Variants in SPECC1 observed in about 807,000 individuals in gnomAD.
SPECC1 encodes sperm antigen with calponin homology and coiled-coil domains 1.
A neutral mutation model predicts 104.1 loss-of-function variants in SPECC1; 62 were observed. The ratio of observed to expected loss-of-function variants is 0.60; its 90% CI spans 0.49 to 0.74. The LOEUF (loss-of-function observed/expected upper bound fraction) is 0.74, where lower values mean the gene tolerates loss of function less well. Among genes scored for constraint, SPECC1 ranks in the 30% least tolerant of loss-of-function variants. SPECC1 has a pLI of 0.00. For missense variants in SPECC1, 1,306 were observed against 1,310.5 expected, an observed-to-expected ratio of 1.00 and a Z score of 0.05; for synonymous variants, 513 against 501.6, an observed-to-expected ratio of 1.02 and a Z score of -0.30.
chr17:20,166,398 C>A (rs1216749600), intron 3 of SPECC1, among the ~76,000 whole-genome samples: 2 of 152,134 alleles, frequency 1.3e-5, no homozygotes, highest in Non-Finnish European at 2.9e-5. Flanking sequence ...TTTTACTGGT[C>A]ACTCTGTGAT....
intron 13 of SPECC1, among the ~76,000 whole-genome samples, chr17:20,303,194 T>A (rs1479626747): frequency 3.3e-5 from 5 of 152,100 alleles, no homozygotes; most frequent in Non-Finnish European, 7.4e-5. Flanking sequence ...AAAAACTGGC[T>A]AAAAACCAAA....
intron 12 of SPECC1, among the ~76,000 whole-genome samples, chr17:20,292,572 C>A (rs1273365820): frequency 6.6e-6 from 1 of 152,074 alleles, no homozygotes; most frequent in South Asian, 2.1e-4. Context: ...TCAGGTGATC[C>A]GCTCACCTCA....
chr17:20,212,488 AAGAG>A (rs2037217588), intron 4 of SPECC1, among the ~76,000 whole-genome samples: 1 of 152,208 alleles, frequency 6.6e-6, no homozygotes, highest in African/African-American at 2.4e-5. Flanking sequence ...CAGACAAAAT[AAGAG>A]AGCTTGTGCA....
At chr17:20,155,902 G>T (rs1167642740) in intron 3 of SPECC1, 2 of 1,189,504 alleles carry the variant, frequency 1.7e-6, no homozygotes, top group Non-Finnish European at 2.1e-6. Context: ...TGCAGATGAC[G>T]GGGGCGGGCC....
At chr17:20,174,680 A>G (rs942801054) in intron 3 of SPECC1, among the ~76,000 whole-genome samples, 10 of 151,754 alleles carry the variant, frequency 6.6e-5, no homozygotes, top group African/African-American at 1.9e-4. Context: ...CTTGCCCTTC[A>G]TTTCCTTTAT....
chr17:20,055,886 C>G (rs907723429), intron 1 of SPECC1, among the ~76,000 whole-genome samples: 5 of 152,202 alleles, frequency 3.3e-5, no homozygotes, highest in African/African-American at 1.2e-4. Context: ...TCAGCTGTTT[C>G]AGTGCCTCTC....
At chr17:20,113,191 A>T (rs1258221076) in intron 3 of SPECC1, among the ~76,000 whole-genome samples, 1 of 152,092 alleles carries the variant, frequency 6.6e-6, no homozygotes, top group Non-Finnish European at 1.5e-5. Context: ...ACAGAAAAGC[A>T]CTCATTTAAT....
chr17:20,071,315 A>G (rs1020206133), intron 1 of SPECC1, among the ~76,000 whole-genome samples: 13 of 151,994 alleles, frequency 8.6e-5, no homozygotes, highest in African/African-American at 2.9e-4. Flanking sequence ...GAACCATGCC[A>G]TTGTAATTTT....
intron 4 of SPECC1, among the ~76,000 whole-genome samples, chr17:20,212,307 G>C (rs1406851120): frequency 6.6e-6 from 1 of 152,144 alleles, no homozygotes; most frequent in Non-Finnish European, 1.5e-5. Flanking sequence ...CTAGATGCCA[G>C]AACAGAAACA....
At chr17:20,012,685 C>A (rs1273942492) in intron 1 of SPECC1, among the ~76,000 whole-genome samples, 1 of 151,456 alleles carries the variant, frequency 6.6e-6, no homozygotes, top group African/African-American at 2.4e-5. Context: ...TAATCTTTGT[C>A]TTTTAATAAA....
At chr17:20,224,269 A>G (rs571351026) in intron 4 of SPECC1, among the ~76,000 whole-genome samples, 23 of 152,322 alleles carry the variant, frequency 1.5e-4, no homozygotes, top group Admixed American at 1.4e-3. Context: ...GGCTACCACT[A>G]CTGGGACTGT....
At chr17:20,112,022 G>A in intron 3 of SPECC1, 1 of 772,044 alleles carries the variant, frequency 1.3e-6, no homozygotes, top group Non-Finnish European at 2.4e-6. Flanking sequence ...TGTGTGTGAA[G>A]GAGAGCCATT....
intron 9 of SPECC1, among the ~76,000 whole-genome samples, chr17:20,251,593 A>G (rs1309515020): frequency 6.6e-6 from 1 of 152,232 alleles, no homozygotes; most frequent in Admixed American, 6.5e-5. Flanking sequence ...AGCCTCTAAG[A>G]GAAAATAATG....
rs1435350753 is a variant in SPECC1 at position 20,148,478 on chromosome 17, A to T, written c.283+37916A>T. ...GAATTTTACTTTAAATTATTTTAAC[A>T]TTTATGTATTTTTCCAAATAAATGT... On this transcript the variant is annotated intron_variant, in intron 3 of 14. Transcript: ENST00000395527. 2.7e-5 allele frequency among the ~76,000 whole-genome samples: 4 copies of T among 150,862 alleles called. No individual in the cohort carries two copies. In the Admixed American group the frequency reaches 2.7e-4, roughly 10 times the overall value.
At chr17:20,161,123 A>G (rs1266052139) in intron 3 of SPECC1, among the ~76,000 whole-genome samples, 2 of 152,224 alleles carry the variant, frequency 1.3e-5, no homozygotes, top group Non-Finnish European at 2.9e-5. Context: ...AGGCAGGAGA[A>G]TCGCTTGAGC....
At chr17:20,165,277 A>G (rs921988314) in intron 3 of SPECC1, among the ~76,000 whole-genome samples, 1 of 152,020 alleles carries the variant, frequency 6.6e-6, no homozygotes, top group African/African-American at 2.4e-5. Flanking sequence ...CTCATTGTTA[A>G]GCTTCCATTT....
chr17:20,137,623 T>A (rs141974734), intron 3 of SPECC1, among the ~76,000 whole-genome samples: 2,473 of 152,350 alleles, frequency 0.016, 21 homozygotes, highest in Admixed American at 0.026. Context: ...TTTCTTTTTT[T>A]ATTTCCTTTA....
chr17:20,285,909 G>C (rs1489574310), intron 12 of SPECC1, among the ~76,000 whole-genome samples: 1 of 151,510 alleles, frequency 6.6e-6, no homozygotes, highest in Non-Finnish European at 1.5e-5. Flanking sequence ...GTCTCCCCAG[G>C]CTCAAGTGAT....
At chr17:20,188,921 A>G (rs1251627745) in intron 3 of SPECC1, among the ~76,000 whole-genome samples, 1 of 152,156 alleles carries the variant, frequency 6.6e-6, no homozygotes, top group Non-Finnish European at 1.5e-5. Flanking sequence ...CTAATTATCT[A>G]ATTTCTCCAG....
Sources: gnomAD v4.1 joint callset for allele counts (sites outside exome capture counted in the v4.1 genomes callset) on GRCh38, gnomAD v4.1.1 for gene constraint, MANE v1.5 for transcripts, NCBI Gene and HGNC (gene_info 2026-07-23, HGNC 2026-07-21) for gene names.